GLT1D1: variants seen among roughly 807,000 people sequenced by gnomAD.
GLT1D1 encodes the protein glycosyltransferase 1 domain-containing protein 1.
In GLT1D1, 21 loss-of-function variants were observed where a neutral mutation model predicts 28.7. That is an observed-to-expected ratio of 0.73 (90% CI 0.52 to 1.05). The LOEUF is 1.05. Among genes scored for constraint, GLT1D1 ranks in the 50% least tolerant of loss-of-function variants. The probability of loss-of-function intolerance (pLI) is 0.00; values close to 1 mark genes in which losing one functional copy is unlikely to be tolerated. For synonymous variants in GLT1D1, 147 were observed against 124.8 expected (o/e 1.18, Z -1.19); for missense variants, 343 against 330.6 (o/e 1.04, Z -0.29).
chr12:128,908,416 CTTTT>C (rs1301540587), intron 4 of GLT1D1, among the ~76,000 whole-genome samples: 3 of 132,234 alleles, frequency 2.3e-5, no homozygotes, highest in Non-Finnish European at 4.8e-5. Flanking sequence ...TTCTTTCTTT[CTTTT>C]TCTTTCCTTT....
chr12:128,944,967 C>T (rs1047785317), intron 4 of GLT1D1: 43 of 555,632 alleles, frequency 7.7e-5, no homozygotes, highest in Non-Finnish European at 1.3e-4. Context: ...CCCCAACAGG[C>T]CCCGGTGTGT....
chr12:128,882,296 A>C (rs1186058072), intron 2 of GLT1D1, among the ~76,000 whole-genome samples: 1 of 116,112 alleles, frequency 8.6e-6, no homozygotes. Flanking sequence ...TTTTTTTTTG[A>C]GACAGAGTCT....
intron 1 of GLT1D1, among the ~76,000 whole-genome samples, chr12:128,874,480 CTTTTTT>C (rs138457706): frequency 1.1e-4 from 12 of 106,778 alleles, no homozygotes; most frequent in African/African-American, 4.0e-4. Context: ...CTGTGGCTGG[CTTTTTT>C]TTTTTTTTTT....
chr12:128,949,449 T>A (rs1212432829), intron 6 of GLT1D1, among the ~76,000 whole-genome samples: 1 of 152,196 alleles, frequency 6.6e-6, no homozygotes, highest in Non-Finnish European at 1.5e-5. Context: ...ATAGCCACAG[T>A]GTTTAATCAT....
chr12:128,927,123 C>T, intron 4 of GLT1D1: 1 of 1,535,694 alleles, frequency 6.5e-7, no homozygotes, highest in Non-Finnish European at 8.7e-7. Flanking sequence ...CAGGAGGAGC[C>T]CAATGTGCAC....
intron 4 of GLT1D1, among the ~76,000 whole-genome samples, chr12:128,923,492 G>C (rs1397316120): frequency 6.6e-6 from 1 of 151,820 alleles, no homozygotes; most frequent in Non-Finnish European, 1.5e-5. Flanking sequence ...TGTATCTGCA[G>C]ATGTCTTGGT....
At chr12:128,900,001 A>G (rs574704775) in intron 4 of GLT1D1, among the ~76,000 whole-genome samples, 10 of 152,322 alleles carry the variant, frequency 6.6e-5, no homozygotes, top group African/African-American at 2.2e-4. Flanking sequence ...TTAAACAGTC[A>G]AGAGTTTGTA....
chr12:128,918,186 T>A (rs1440416992), intron 4 of GLT1D1, among the ~76,000 whole-genome samples: 1 of 152,200 alleles, frequency 6.6e-6, no homozygotes, highest in Non-Finnish European at 1.5e-5. Context: ...GAAGCCGTTA[T>A]CCTCAGCAAA....
chr12:128,945,802 G>A (rs531897093), intron 5 of GLT1D1, among the ~76,000 whole-genome samples: 39 of 152,294 alleles, frequency 2.6e-4, no homozygotes, highest in Admixed American at 3.9e-4. Flanking sequence ...GGAGCAAAAC[G>A]GAGGCTTCCC....
intron 7 of GLT1D1, among the ~76,000 whole-genome samples, chr12:128,973,699 C>G (rs1454161826): frequency 6.6e-6 from 1 of 152,102 alleles, no homozygotes; most frequent in Non-Finnish European, 1.5e-5. Context: ...TGCCCACCTT[C>G]TCCCCACCAA....
chr12:128,901,626 G>A (rs1049554391), intron 4 of GLT1D1, among the ~76,000 whole-genome samples: 3 of 151,762 alleles, frequency 2.0e-5, no homozygotes, highest in South Asian at 2.1e-4. Context: ...TAGTAGAAAC[G>A]GGGTTTCACC....
At chr12:128,900,526 C>T (rs1433006904) in intron 4 of GLT1D1, among the ~76,000 whole-genome samples, 1 of 152,092 alleles carries the variant, frequency 6.6e-6, no homozygotes, top group Non-Finnish European at 1.5e-5. Context: ...CAGACTTTTC[C>T]CAGGCAGAGC....
At chr12:128,978,582 G>A (rs943534195) in intron 7 of GLT1D1, among the ~76,000 whole-genome samples, 2 of 152,154 alleles carry the variant, frequency 1.3e-5, no homozygotes, top group Non-Finnish European at 1.5e-5. Context: ...GACACTGACT[G>A]CTGATCTCTC....
chr12:128,858,206 C>T (rs1227149617), intron 1 of GLT1D1, among the ~76,000 whole-genome samples: 1 of 152,208 alleles, frequency 6.6e-6, no homozygotes. Flanking sequence ...AAAATCCCAT[C>T]AGATGGGTTT....
chr12:128,982,995 G>A lies in GLT1D1; in HGVS notation c.706G>A (p.Gly236Arg), dbSNP rs370400269. 28 of 1,613,664 alleles carry A rather than the reference G, an allele frequency of 1.7e-5. No homozygotes were observed. Among genetic ancestry groups the A allele is most frequent in the Admixed American group, 3.3e-5 (2 of 60,008 alleles). Residue 236 changes from glycine (G) to arginine (R), a missense_variant, in exon 8 of 8, where the codon GGA becomes AGA. Coordinates refer to ENST00000281703, the MANE Select transcript of GLT1D1 (RefSeq NM_144669.3). Reference sequence around the variant, plus strand: ...ATTAGAAAAGGAAATCGTAGTGAACGGAAGGGAATACGTGAGAATGTATCA... The same window carrying A: ...ATTAGAAAAGGAAATCGTAGTGAACAGAAGGGAATACGTGAGAATGTATCA...
intron 7 of GLT1D1, among the ~76,000 whole-genome samples, chr12:128,976,499 G>T (rs554233527): frequency 6.6e-6 from 1 of 152,310 alleles, no homozygotes; most frequent in African/African-American, 2.4e-5. Context: ...GGCGGCCTGC[G>T]CCAGCCTTGA....
chr12:128,984,477 A>G lies in GLT1D1; in HGVS notation c.*1387A>G, dbSNP rs935068872. ...TTCAATGTTTCATTCCGCTGCCTCC[A>G]TCATGTAATAGAATCGCTTTCCAGA... is the stretch of plus-strand genomic sequence containing the variant. On this transcript the variant is annotated 3_prime_UTR_variant, in exon 8 of 8. Coordinates refer to ENST00000281703, the MANE Select transcript of GLT1D1 (RefSeq NM_144669.3). The G allele has an allele frequency of 1.3e-5, 2 of 152,180 alleles. No individual in the cohort carries two copies. Among genetic ancestry groups the G allele is most frequent in the Non-Finnish European group, 2.9e-5 (2 of 68,028 alleles). 9.4% of individuals were successfully genotyped at this position (152,180 alleles called of 1,614,324 possible).
At chr12:128,892,269 TATC>T (rs1869145370) in intron 3 of GLT1D1, among the ~76,000 whole-genome samples, 1 of 152,134 alleles carries the variant, frequency 6.6e-6, no homozygotes, top group African/African-American at 2.4e-5. Flanking sequence ...CACACCACCT[TATC>T]ATAATAGAGA....
chr12:128,923,800 G>T (rs919512416), intron 4 of GLT1D1, among the ~76,000 whole-genome samples: 2 of 152,024 alleles, frequency 1.3e-5, no homozygotes, highest in South Asian at 2.1e-4. Context: ...GATTACAGGC[G>T]TGAGCCACTG....
Sources: gnomAD v4.1 joint callset for allele counts (sites outside exome capture counted in the v4.1 genomes callset) on GRCh38, gnomAD v4.1.1 for gene constraint, MANE v1.5 for transcripts, NCBI Gene and HGNC (gene_info 2026-07-23, HGNC 2026-07-21) for gene names.